TTC23: variants seen among roughly 807,000 people sequenced by gnomAD.
TTC23 encodes the protein tetratricopeptide repeat protein 23.
Under a neutral mutation model 55.1 loss-of-function variants are expected in TTC23, and 58 were observed. That is an observed-to-expected ratio of 1.05 (90% CI 0.85 to 1.31). The LOEUF (loss-of-function observed/expected upper bound fraction) is 1.31, where lower values mean the gene tolerates loss of function less well. TTC23 is among the 50% of genes most tolerant of loss of function. TTC23 has a pLI of 0.00. For missense variants in TTC23, 516 were observed against 534.4 expected, an observed-to-expected ratio of 0.97 and a Z score of 0.34; for synonymous variants, 203 against 199.9, an observed-to-expected ratio of 1.02 and a Z score of -0.13.
At chr15:99,193,902 G>C (rs187458821) in intron 9 of TTC23, among the ~76,000 whole-genome samples, 1 of 151,994 alleles carries the variant, frequency 6.6e-6, no homozygotes, top group African/African-American at 2.4e-5. Context: ...CCAGCTACTC[G>C]GGAGGCTGAT....
At chr15:99,208,480 CAT>C (rs1567488619) in intron 8 of TTC23, among the ~76,000 whole-genome samples, 1 of 152,052 alleles carries the variant, frequency 6.6e-6, no homozygotes, top group East Asian at 1.9e-4. Flanking sequence ...CATAATACTA[CAT>C]ATATATGTGT....
intron 12 of TTC23, 106 bp from the exon 13 acceptor site, chr15:99,139,505 G>C (rs782557131): frequency 2.6e-6 from 4 of 1,562,972 alleles, no homozygotes; most frequent in Non-Finnish European, 3.5e-6. Context: ...CTTAGGCCCT[G>C]CTGTGATGGA....
At chr15:99,179,036 G>A (rs1353634786) in intron 9 of TTC23, among the ~76,000 whole-genome samples, 5 of 152,156 alleles carry the variant, frequency 3.3e-5, no homozygotes, top group African/African-American at 1.2e-4. Flanking sequence ...CAGTCTGAGG[G>A]AAAGGGCACT....
intron 12 of TTC23, among the ~76,000 whole-genome samples, chr15:99,147,196 G>T (rs567281219): frequency 1.4e-5 from 2 of 147,042 alleles, no homozygotes; most frequent in East Asian, 3.9e-4. Flanking sequence ...ATAGGTGTGA[G>T]CCACAGCGCT....
At chr15:99,198,859 TAAC>T (rs1237534198) in intron 9 of TTC23, among the ~76,000 whole-genome samples, 1 of 152,174 alleles carries the variant, frequency 6.6e-6, no homozygotes, top group Non-Finnish European at 1.5e-5. Context: ...TCACTTCAAA[TAAC>T]AAGAATGGAT....
chr15:99,192,463 T>C (rs1300054384), intron 9 of TTC23, among the ~76,000 whole-genome samples: 3 of 152,214 alleles, frequency 2.0e-5, no homozygotes, highest in Admixed American at 1.3e-4. Context: ...AAAGGGGCCA[T>C]CATAGAGCTT....
At chr15:99,160,021 C>T (rs1297793877) in intron 11 of TTC23, 1 of 152,232 alleles carries the variant, frequency 6.6e-6, no homozygotes, top group African/African-American at 2.4e-5. Flanking sequence ...GACCTGAGCA[C>T]TCCCCTTGTC....
chr15:99,178,529 A>G (rs949620974), intron 9 of TTC23, among the ~76,000 whole-genome samples: 3 of 152,210 alleles, frequency 2.0e-5, no homozygotes, highest in Admixed American at 6.5e-5. Flanking sequence ...CATGCCAGAT[A>G]TTGTGCTAAC....
At chr15:99,179,796 C>A (rs1401258966) in intron 9 of TTC23, among the ~76,000 whole-genome samples, 1 of 152,058 alleles carries the variant, frequency 6.6e-6, no homozygotes, top group African/African-American at 2.4e-5. Flanking sequence ...CCCAGAAGAA[C>A]CTCCATGGAA....
intron 4 of TTC23, among the ~76,000 whole-genome samples, chr15:99,233,760 TAAAATAC>T (rs2079103294): frequency 3.3e-5 from 5 of 152,180 alleles, no homozygotes; most frequent in African/African-American, 1.2e-4. Flanking sequence ...GATTTAAATC[TAAAATAC>T]AGATTTATTG....
chr15:99,224,201 ATTCTT>A (rs1297728977), intron 5 of TTC23, among the ~76,000 whole-genome samples: 1 of 152,244 alleles, frequency 6.6e-6, no homozygotes, highest in Admixed American at 6.5e-5. Flanking sequence ...GGACTGTCAT[ATTCTT>A]TTCTACAGTA....
chr15:99,177,195 G>C (rs1158979634), intron 9 of TTC23, among the ~76,000 whole-genome samples: 1 of 152,132 alleles, frequency 6.6e-6, no homozygotes, highest in Non-Finnish European at 1.5e-5. Flanking sequence ...TTTTATGTTG[G>C]GGCTACTCCA....
chr15:99,187,462 A>AAAAAAAG (rs1230105824), intron 9 of TTC23, among the ~76,000 whole-genome samples: 15,304 of 131,276 alleles, frequency 0.12, 1,810 homozygotes, highest in Middle Eastern at 0.22. Flanking sequence ...CAAAAAAAAA[A>AAAAAAAG]AAAAAACAAA....
intron 9 of TTC23, among the ~76,000 whole-genome samples, chr15:99,178,945 C>T (rs957573037): frequency 5.9e-5 from 9 of 152,072 alleles, no homozygotes; most frequent in Non-Finnish European, 1.0e-4. Context: ...ACACGGCCTA[C>T]CTGCAGGGAC....
At chr15:99,162,797 T>C (rs2071547036) in intron 10 of TTC23, among the ~76,000 whole-genome samples, 1 of 152,018 alleles carries the variant, frequency 6.6e-6, no homozygotes. Context: ...AACGAGATTA[T>C]GGCCGGGGGT....
intron 12 of TTC23, among the ~76,000 whole-genome samples, chr15:99,146,431 C>G (rs558139491): frequency 1.1e-4 from 16 of 152,248 alleles, no homozygotes; most frequent in Non-Finnish European, 1.9e-4. Context: ...GACCATTGGT[C>G]TTTCAACTTG....
intron 2 of TTC23, among the ~76,000 whole-genome samples, chr15:99,242,202 TAGTTA>T (rs887062774): frequency 3.3e-5 from 5 of 150,394 alleles, no homozygotes; most frequent in Non-Finnish European, 5.9e-5. Context: ...AAGTGTACGC[TAGTTA>T]AGAAGCAAAC....
chr15:99,163,254 GAGA>G (rs1310839643), intron 10 of TTC23, among the ~76,000 whole-genome samples: 2 of 152,200 alleles, frequency 1.3e-5, no homozygotes, highest in African/African-American at 4.8e-5. Context: ...GAGATTTGAT[GAGA>G]AGGATTTTGC....
intron 10 of TTC23, among the ~76,000 whole-genome samples, chr15:99,170,032 G>C (rs2072699570): frequency 6.6e-6 from 1 of 152,122 alleles, no homozygotes; most frequent in South Asian, 2.1e-4. Context: ...TATTCTTTAG[G>C]AGATGAGTTA....
Sources: allele counts gnomAD v4.1 joint callset (sites outside exome capture counted in the v4.1 genomes callset), GRCh38; gene constraint gnomAD v4.1.1; transcripts MANE v1.5; gene names NCBI Gene and HGNC (gene_info 2026-07-23, HGNC 2026-07-21).